The following SLC66A2 variants were observed in gnomAD, a reference collection of about 807,000 sequenced individuals.
The protein encoded by SLC66A2 is solute carrier family 66 member 2.
SLC66A2 carries 23 observed loss-of-function variants against 25.5 expected under a neutral mutation model. That is an observed-to-expected ratio of 0.90 (90% CI 0.65 to 1.28). The LOEUF (loss-of-function observed/expected upper bound fraction) is 1.28, where lower values mean the gene tolerates loss of function less well. Among genes scored for constraint, SLC66A2 ranks in the 50% most tolerant of loss-of-function variants. SLC66A2 has a pLI of 0.00. For synonymous variants in SLC66A2, 193 were observed against 166.5 expected (o/e 1.16, Z -1.23); for missense variants, 396 against 373.1 (o/e 1.06, Z -0.51).
chr18:79,946,071 A>AT (rs751217422), intron 2 of SLC66A2, among the ~76,000 whole-genome samples: 2 of 152,244 alleles, frequency 1.3e-5, no homozygotes, highest in Non-Finnish European at 2.9e-5. Context: ...GAAGCAATGA[A>AT]TGACGAGACG....
rs545736966 is a variant in SLC66A2, at chr18:79,912,540, G to A, written c.608+6644C>T. 7.8e-4 allele frequency among the ~76,000 whole-genome samples: 119 copies of A among 152,116 alleles called. 1 individual carries two copies. Among genetic ancestry groups the A allele is most frequent in the African/African-American group, 2.1e-3 (86 of 41,506 alleles). On this transcript the variant is annotated intron_variant, in intron 5 of 5. Transcript: ENST00000397778. ...GCCAGGCCACGTGTCACCAGGCCAC[G>A]TGTCATCAGGCACCACTGATGTGAT... is the stretch of plus-strand genomic sequence containing the variant.
In SLC66A2 at chr18:79,904,203, C is replaced by T. The variant is rs758277676; in HGVS notation, c.609-20G>A. 1.8e-5 allele frequency: 29 copies of T among 1,609,888 alleles called. No homozygotes were observed. The highest frequency in any genetic ancestry group is 5.3e-5 in the African/African-American group (4 of 74,776). Reference sequence around the variant, plus strand: ...TTGATGCTGTGGAGACACAAGCAGGCGGTCAGCGGTGGGGAGGGCGGCGAC... The same window carrying T: ...TTGATGCTGTGGAGACACAAGCAGGTGGTCAGCGGTGGGGAGGGCGGCGAC... On this transcript the variant is annotated intron_variant, in intron 5 of 5. Coordinates refer to ENST00000397778, the MANE Select transcript of SLC66A2 (RefSeq NM_025078.5). This position sits in a 1 kb window ranked among gnomAD's most constrained non-coding sequence, Gnocchi z 6.3.
In SLC66A2 at chr18:79,904,319, A is replaced by G; in HGVS notation, c.609-136T>C. ...CAGGGGGCTAAGGGGACCCCCAGGC[A>G]GTCGGCGGGGAGGCCTGGGGCTCAG... On this transcript the variant is annotated intron_variant, in intron 5 of 5. Transcript: ENST00000397778. The surrounding 1 kb of genome is among the most constrained non-coding windows in gnomAD (Gnocchi z 6.3). 1.3e-6 allele frequency: 1 copy of G among 764,688 alleles called. No individual in the cohort carries two copies. Among genetic ancestry groups the G allele is most frequent in the Non-Finnish European group, 2.2e-6 (1 of 454,580 alleles). 47.4% of individuals were successfully genotyped at this position (764,688 alleles called of 1,614,324 possible).
At chr18:79,933,816 G>T (rs1345860347) in intron 4 of SLC66A2, among the ~76,000 whole-genome samples, 153 bp downstream of exon 4, 1 of 152,092 alleles carries the variant, frequency 6.6e-6, no homozygotes, top group African/African-American at 2.4e-5. Context: ...AAACAGCAGA[G>T]CTAGGAGTTG....
chr18:79,913,427 C>T (rs1196922342), intron 5 of SLC66A2, among the ~76,000 whole-genome samples: 7 of 152,234 alleles, frequency 4.6e-5, no homozygotes, highest in Admixed American at 2.0e-4. Context: ...AAAATCCGCC[C>T]TTCGGAGCCT....
chr18:79,943,533 G>T, intron 2 of SLC66A2, 71 bp from the exon 3 acceptor site: 7 of 1,560,700 alleles, frequency 4.5e-6, no homozygotes, highest in Non-Finnish European at 6.1e-6. Context: ...ACCTGCAGCG[G>T]GAGAGACCCG....
chr18:79,912,197 G>A (rs1343728601), intron 5 of SLC66A2, among the ~76,000 whole-genome samples: 2 of 152,108 alleles, frequency 1.3e-5, no homozygotes, highest in African/African-American at 4.8e-5. Context: ...AAAACAGGCT[G>A]GCAGCTCTGC....
Position 79,902,687 on chromosome 18 carries a change from A to AGGCCCAGGCACAGAGGCCCAG in SLC66A2, c.*1288_*1289insCTGGGCCTCTGTGCCTGGGCC, listed in dbSNP as rs1338586432. The AGGCCCAGGCACAGAGGCCCAG allele has an allele frequency of 2.6e-5, 4 of 152,354 alleles. No homozygotes were observed. Among genetic ancestry groups the AGGCCCAGGCACAGAGGCCCAG allele is most frequent in the Non-Finnish European group, 5.9e-5 (4 of 68,078 alleles). The allele number at this position is 152,354 out of a possible 1,614,324, so 9.4% of individuals were successfully genotyped here. On this transcript the variant is annotated 3_prime_UTR_variant, in exon 6 of 6. Transcript: ENST00000397778. The stretch of plus-strand genomic sequence containing the variant: ...TCCCATGGCCACGGCCCCGGCACAG[A>AGGCCCAGGCACAGAGGCCCAG]GCTCAGATGCCTGCGGGAAGCGGCC...
At chr18:79,945,214 CA>C (rs1305414899) in intron 2 of SLC66A2, 5 of 152,292 alleles carry the variant, frequency 3.3e-5, no homozygotes, top group Non-Finnish European at 7.3e-5. Flanking sequence ...AGAGGGTGGC[CA>C]TGCTGATTCC....
In SLC66A2 at chr18:79,902,588, TAAGCA is replaced by T. The variant is rs1981363735; in HGVS notation, c.*1383_*1387del. On this transcript the variant is annotated 3_prime_UTR_variant, in exon 6 of 6. Transcript: ENST00000397778. ...CAAAGCATCTCACAGGCCAAAGAGC[TAAGCA>T]GGACCCTCACTCAGACATTCAAGAG... The T allele has an allele frequency of 1.3e-5, 2 of 152,384 alleles. No individual in the cohort carries two copies. Among genetic ancestry groups the T allele is most frequent in the African/African-American group, 2.4e-5 (1 of 41,470 alleles). The allele number at this position is 152,384 out of a possible 1,614,324, so 9.4% of individuals were successfully genotyped here.
intron 5 of SLC66A2, among the ~76,000 whole-genome samples, chr18:79,913,741 C>G (rs1226530376): frequency 6.6e-6 from 1 of 152,134 alleles, no homozygotes; most frequent in East Asian, 1.9e-4. Context: ...TATCAAACAT[C>G]CTAGAGACCT....
At chr18:79,943,614 G>C in intron 2 of SLC66A2, 152 bp from the exon 3 acceptor site, 1 of 888,906 alleles carries the variant, frequency 1.1e-6, no homozygotes, top group East Asian at 2.7e-5. Flanking sequence ...CCCTGTGTCA[G>C]GCCCACCCAC....
chr18:79,924,013 G>T (rs1985608828), intron 4 of SLC66A2, among the ~76,000 whole-genome samples: 2 of 151,666 alleles, frequency 1.3e-5, no homozygotes, highest in Non-Finnish European at 2.9e-5. Context: ...CTGCAGCCTG[G>T]GTGACAGAGT....
intron 3 of SLC66A2, among the ~76,000 whole-genome samples, chr18:79,943,070 A>C (rs545087614): frequency 1.3e-5 from 2 of 152,362 alleles, no homozygotes; most frequent in South Asian, 4.1e-4. Context: ...TGGCGCTCAC[A>C]GCCAAGAGGA....
At chr18:79,938,806 A>T (rs1373428641) in intron 3 of SLC66A2, among the ~76,000 whole-genome samples, 1 of 152,172 alleles carries the variant, frequency 6.6e-6, no homozygotes, top group African/African-American at 2.4e-5. Flanking sequence ...CCTTCTGAGT[A>T]GCTGGGATTA....
chr18:79,916,633 G>C (rs1984200035), intron 5 of SLC66A2, among the ~76,000 whole-genome samples: 1 of 152,252 alleles, frequency 6.6e-6, no homozygotes, highest in South Asian at 2.1e-4. Context: ...AGCTGAATTT[G>C]CGGGAGCCGG....
chr18:79,938,489 CA>C (rs911068503), intron 3 of SLC66A2, among the ~76,000 whole-genome samples: 11 of 152,046 alleles, frequency 7.2e-5, no homozygotes, highest in African/African-American at 2.4e-4. Flanking sequence ...TGACTCACAG[CA>C]AAAAGGGCTT....
Position 79,903,967 on chromosome 18 carries a change from T to TC in SLC66A2, c.*8dup. On this transcript the variant is annotated 3_prime_UTR_variant, in exon 6 of 6. Transcript: ENST00000397778. The stretch of plus-strand genomic sequence containing the variant: ...GGCTGGCGGTCCCACATCCTCGTCC[T>TC]CCCCACTGTCAGAGGGCCTTGGTGC... The TC allele has an allele frequency of 6.3e-7, 1 of 1,590,698 alleles. No individual in the cohort carries two copies. Among genetic ancestry groups the TC allele is most frequent in the Non-Finnish European group, 8.5e-7 (1 of 1,170,738 alleles).
rs1011864729 is a variant in SLC66A2 at position 79,918,580 on chromosome 18, C to G, written c.608+604G>C. Among the ~76,000 whole-genome samples the G allele has an allele frequency of 6.6e-6, 1 of 152,236 alleles. No homozygotes were observed. The highest frequency in any genetic ancestry group is 3.2e-3 in the Middle Eastern group (1 of 316). On this transcript the variant is annotated intron_variant, in intron 5 of 5. Transcript: ENST00000397778. The surrounding 1 kb of genome is among the most constrained non-coding windows in gnomAD (Gnocchi z 4.0). The stretch of plus-strand genomic sequence containing the variant: ...GAGCAGATCTGTTTTTATTACAATG[C>G]AGTTTCCATCCAGGACCTTGACTGA...
Sources: gnomAD v4.1 joint callset for allele counts (sites outside exome capture counted in the v4.1 genomes callset) on GRCh38, gnomAD v4.1.1 for gene constraint, Gnocchi (gnomAD v3.1) non-coding constraint, MANE v1.5 for transcripts, NCBI Gene and HGNC (gene_info 2026-07-23, HGNC 2026-07-21) for gene names.